The following KCNQ3 variants were observed in gnomAD, a reference collection of about 807,000 sequenced individuals.
KCNQ3 encodes potassium voltage-gated channel subfamily Q member 3.
KCNQ3 carries 30 observed loss-of-function variants against 92.5 expected under a neutral mutation model. That is an observed-to-expected ratio of 0.32 (90% CI 0.24 to 0.44). The LOEUF (loss-of-function observed/expected upper bound fraction) is 0.44, where lower values mean the gene tolerates loss of function less well. Ranked by LOEUF, KCNQ3 falls within the 20% of genes least tolerant of loss-of-function variation. The probability of loss-of-function intolerance (pLI) is 1.00; values close to 1 mark genes in which losing one functional copy is unlikely to be tolerated. For synonymous variants in KCNQ3, 450 were observed against 468.8 expected, an observed-to-expected ratio of 0.96 and a Z score of 0.52; for missense variants, 913 against 1,140.3, an observed-to-expected ratio of 0.80 and a Z score of 2.87.
At chr8:132,390,705 G>C (rs1027565888) in intron 1 of KCNQ3, among the ~76,000 whole-genome samples, 1 of 152,144 alleles carries the variant, frequency 6.6e-6, no homozygotes, top group Admixed American at 6.5e-5. Context: ...TTAAATGAGT[G>C]CAATAACAGT....
intron 9 of KCNQ3, among the ~76,000 whole-genome samples, chr8:132,148,733 CTCTT>C (rs1825540301): frequency 6.6e-6 from 1 of 152,230 alleles, no homozygotes; most frequent in South Asian, 2.1e-4. Context: ...TGAATTCACT[CTCTT>C]TGTTTGAGCT....
intron 1 of KCNQ3, among the ~76,000 whole-genome samples, chr8:132,240,821 C>T (rs1353166556): frequency 1.3e-5 from 2 of 152,164 alleles, no homozygotes; most frequent in Non-Finnish European, 2.9e-5. Context: ...ATGCACCTGG[C>T]ATTGTATTAG....
intron 1 of KCNQ3, among the ~76,000 whole-genome samples, chr8:132,449,347 C>T (rs756372813): frequency 3.3e-5 from 5 of 151,982 alleles, no homozygotes; most frequent in Admixed American, 2.0e-4. Flanking sequence ...GCCACAGGAT[C>T]GGATTACAGT....
At chr8:132,465,074 G>T (rs72723106) in intron 1 of KCNQ3, among the ~76,000 whole-genome samples, 1 of 152,080 alleles carries the variant, frequency 6.6e-6, no homozygotes, top group African/African-American at 2.4e-5. Flanking sequence ...GTTTCCTTTC[G>T]TGTTCCAGAA....
chr8:132,336,582 C>T (rs977807052), intron 1 of KCNQ3, among the ~76,000 whole-genome samples: 1 of 152,186 alleles, frequency 6.6e-6, no homozygotes, highest in African/African-American at 2.4e-5. Context: ...GGGAGCCTGC[C>T]TTTGGGATCC....
At chr8:132,261,078 C>T (rs1246765886) in intron 1 of KCNQ3, among the ~76,000 whole-genome samples, 1 of 152,150 alleles carries the variant, frequency 6.6e-6, no homozygotes, top group African/African-American at 2.4e-5. Context: ...TCACTATGCT[C>T]AACAGCCCTA....
At chr8:132,253,373 G>A (rs1815479329) in intron 1 of KCNQ3, among the ~76,000 whole-genome samples, 2 of 152,204 alleles carry the variant, frequency 1.3e-5, no homozygotes, top group African/African-American at 2.4e-5. Flanking sequence ...CCTTCACTGA[G>A]TTAAGATAAA....
At chr8:132,230,345 A>T (rs991352425) in intron 1 of KCNQ3, among the ~76,000 whole-genome samples, 2 of 152,054 alleles carry the variant, frequency 1.3e-5, no homozygotes, top group African/African-American at 4.8e-5. Context: ...AGCAAAGAGA[A>T]ATCACACCCA....
Position 132,124,368 on chromosome 8 carries a change from A to G in KCNQ3, c.*4894T>C, listed in dbSNP as rs1824596064. The G allele has an allele frequency of 6.6e-6, 1 of 152,218 alleles. No homozygotes were observed. The highest frequency in any genetic ancestry group is 2.4e-5 in the African/African-American group (1 of 41,462). 9.4% of individuals were successfully genotyped at this position (152,218 alleles called of 1,614,324 possible). On this transcript the variant is annotated 3_prime_UTR_variant, in exon 15 of 15. Transcript: ENST00000388996. The stretch of plus-strand genomic sequence containing the variant: ...ATACTGTAAAAAAATAACATAAATA[A>G]CAGTCCCTAGTATGCATCAGTCATT...
intron 1 of KCNQ3, among the ~76,000 whole-genome samples, chr8:132,464,433 A>G (rs1822127454): frequency 6.6e-6 from 1 of 152,222 alleles, no homozygotes; most frequent in Non-Finnish European, 1.5e-5. Flanking sequence ...CATGTGTTGT[A>G]TCAGGCTCTG....
chr8:132,415,014 C>A (rs1820758733), intron 1 of KCNQ3, among the ~76,000 whole-genome samples: 2 of 152,188 alleles, frequency 1.3e-5, no homozygotes. Context: ...TGGCAGTTAT[C>A]GTGTCACTCA....
chr8:132,226,861 A>G (rs538863352), intron 1 of KCNQ3, among the ~76,000 whole-genome samples: 1 of 152,238 alleles, frequency 6.6e-6, no homozygotes, highest in South Asian at 2.1e-4. Flanking sequence ...AAGAAATGAC[A>G]CTCATATAAA....
chr8:132,466,175 AC>A (rs2130862361), intron 1 of KCNQ3, among the ~76,000 whole-genome samples: 1 of 152,276 alleles, frequency 6.6e-6, no homozygotes, highest in African/African-American at 2.4e-5. Context: ...ATTTACAAAT[AC>A]TTTTAATTCA....
intron 1 of KCNQ3, among the ~76,000 whole-genome samples, chr8:132,303,600 T>TATATATATATATATATA (rs1817301410): frequency 1.2e-4 from 3 of 24,298 alleles, no homozygotes; most frequent in African/African-American, 2.0e-4. Context: ...TATATATATA[T>TATATATATATATATATA]GGTGTGTATA....
chr8:132,354,734 G>A (rs912469563), intron 1 of KCNQ3, among the ~76,000 whole-genome samples: 5 of 152,228 alleles, frequency 3.3e-5, no homozygotes, highest in Non-Finnish European at 7.3e-5. Flanking sequence ...GCTCTGGACT[G>A]AGAGCCATTC....
chr8:132,418,334 G>A (rs1315100601), intron 1 of KCNQ3, among the ~76,000 whole-genome samples: 1 of 152,172 alleles, frequency 6.6e-6, no homozygotes, highest in Non-Finnish European at 1.5e-5. Context: ...TGGGTTTAAT[G>A]AGGCGTGCTC....
rs145229480 is a variant in KCNQ3, at chr8:132,134,511, AGAG to A, written c.1701-126_1701-124del. ...GGAATATATAAGAGGAGAGGAGAGG[AGAG>A]GAGAAGTGAGGAGAGGAGAGGGGAG... On this transcript the variant is annotated intron_variant, in intron 12 of 14. Transcript: ENST00000388996. 0.031 allele frequency: 21,566 copies of A among 706,894 alleles called. 496 individuals carry two copies. Among genetic ancestry groups the A allele is most frequent in the Non-Finnish European group, 0.039 (15,870 of 402,790 alleles). The allele number at this position is 706,894 out of a possible 1,614,324, so 43.8% of individuals were successfully genotyped here.
At chr8:132,288,411 C>T (rs1816739555) in intron 1 of KCNQ3, among the ~76,000 whole-genome samples, 1 of 152,136 alleles carries the variant, frequency 6.6e-6, no homozygotes, top group Non-Finnish European at 1.5e-5. Flanking sequence ...TATTGGCTTC[C>T]TTTAGGAACT....
intron 9 of KCNQ3, among the ~76,000 whole-genome samples, chr8:132,153,105 G>A (rs1419109528): frequency 2.0e-5 from 3 of 152,166 alleles, no homozygotes; most frequent in Non-Finnish European, 4.4e-5. Flanking sequence ...AACCCTGATT[G>A]TTCCTGTGAA....
Sources: gnomAD v4.1 joint callset for allele counts (sites outside exome capture counted in the v4.1 genomes callset) on GRCh38, gnomAD v4.1.1 for gene constraint, MANE v1.5 for transcripts, NCBI Gene and HGNC (gene_info 2026-07-23, HGNC 2026-07-21) for gene names.